The following LIME1 variants were observed in gnomAD, a reference collection of about 807,000 sequenced individuals.
The protein encoded by LIME1 is Lck interacting transmembrane adaptor 1.
In LIME1, 23 loss-of-function variants were observed where a neutral mutation model predicts 18.8. The observed-to-expected ratio is 1.22, with a 90% confidence interval of 0.88 to 1.73. The LOEUF (loss-of-function observed/expected upper bound fraction) is 1.73. Ranked by LOEUF, LIME1 falls within the 40% of genes most tolerant of loss-of-function variation. The pLI is 0.00. For missense variants in LIME1, 423 were observed against 396.8 expected (o/e 1.07, Z -0.56); for synonymous variants, 177 against 182.3 (o/e 0.97, Z 0.23).
chr20:63,736,986 G>C, intron 1 of LIME1: 1 of 985,788 alleles, frequency 1.0e-6, no homozygotes, highest in Non-Finnish European at 1.2e-6. Context: ...CCAGAGAGAA[G>C]TGGGGTGGGG....
At chr20:63,737,445 C>G (rs1253820312) in intron 1 of LIME1, 88 bp from the exon 2 acceptor site, 1 of 1,387,024 alleles carries the variant, frequency 7.2e-7, no homozygotes, top group Non-Finnish European at 9.3e-7. Flanking sequence ...GCAGGAGCCC[C>G]GCAGCCGCGG....
At position 63,738,809 on chromosome 20, in the gene LIME1, G is replaced by A. The variant is rs2092024305; in HGVS notation, c.797G>A (p.Arg266Lys). 1 of 1,612,402 alleles carries A rather than the reference G, an allele frequency of 6.2e-7. No individual in the cohort carries two copies. The highest frequency in any genetic ancestry group is 8.5e-7 in the Non-Finnish European group (1 of 1,179,794). Residue 266 changes from arginine to lysine, a missense_variant, in exon 6 of 6, where the codon AGG becomes AAG. Physicochemically the swap from Arg to Lys is conservative, Grantham distance 26. Transcript: ENST00000309546. ...CGGGAGCTGGGGGACCCTGCTGGCA[G>A]GAGCAGCACGTGCGGGGCTGGGACG... Reference protein sequence around the residue: ...SIRELGDPAGRSSTCGAGTPP... With the variant: ...SIRELGDPAGKSSTCGAGTPP...
At chr20:63,735,909 C>CT, upstream of LIME1, 2 of 1,612,378 alleles carry the variant, frequency 1.2e-6, no homozygotes, top group Non-Finnish European at 1.7e-6. Context: ...AAGAAGATGA[C>CT]TGAGTTCTAG....
At chr20:63,735,800 C>G (rs773725976), upstream of LIME1, 2 of 1,609,222 alleles carry the variant, frequency 1.2e-6, no homozygotes, top group South Asian at 2.2e-5. Flanking sequence ...GGCGTCAGCC[C>G]AGCTGCAGGA....
chr20:63,738,857 G>A lies in LIME1; in HGVS notation c.845G>A (p.Ser282Asn). The A allele has an allele frequency of 6.2e-7, 1 of 1,610,180 alleles. No homozygotes were observed. The change falls in exon 6 of 6, where the codon AGC becomes AAC. Residue 282 changes from serine (S) to asparagine (N), a missense_variant. Transcript: ENST00000309546. ...AGTPPASSCPSLGRGWRPLPA... is the reference protein window; with the variant it reads ...AGTPPASSCPNLGRGWRPLPA... ...ACGCCCCCTGCTTCCAGCTGCCCCA[G>A]CCTAGGGAGGGGCTGGAGACCCCTC...
chr20:63,738,115 C>T (rs2092017465), intron 4 of LIME1, 55 bp downstream of exon 4: 1 of 1,522,628 alleles, frequency 6.6e-7, no homozygotes, highest in South Asian at 1.2e-5. Context: ...GCAGCGCGTG[C>T]CAACCCCTGG....
intron 1 of LIME1, 88 bp from the exon 2 acceptor site, chr20:63,737,445 C>T (rs1253820312): frequency 1.4e-6 from 2 of 1,386,904 alleles, no homozygotes; most frequent in African/African-American, 1.5e-5. Context: ...GCAGGAGCCC[C>T]GCAGCCGCGG....
Position 63,738,216 on chromosome 20 carries a change from C to G in LIME1, c.302C>G (p.Pro101Arg). 6.3e-7 allele frequency: 1 copy of G among 1,590,746 alleles called. No homozygotes were observed. Residue 101 changes from proline to arginine, a missense_variant, in exon 5 of 6, where the codon CCA (proline) becomes CGA (arginine). Physicochemically the swap from Pro to Arg is moderately radical, Grantham distance 103. Coordinates refer to ENST00000309546, the MANE Select transcript of LIME1 (RefSeq NM_017806.4). Reference sequence around the variant, plus strand: ...CCTGCCAGCATGGATCTCCTGCGCCCACACTGGCTGGAGGTGTCCAGGGAC... The same window carrying G: ...CCTGCCAGCATGGATCTCCTGCGCCGACACTGGCTGGAGGTGTCCAGGGAC... The part of the protein sequence containing the change: ...LRPASMDLLR[P>R]HWLEVSRDIT...
chr20:63,738,931 AGT>A lies in LIME1; in HGVS notation c.*33_*34del, dbSNP rs778180889. 2.0e-6 allele frequency: 3 copies of A among 1,483,530 alleles called. No homozygotes were observed. The South Asian group carries it at 4.1e-5, about 20-fold the overall frequency. 91.9% of individuals were successfully genotyped at this position (1,483,530 alleles called of 1,614,324 possible). On this transcript the variant is annotated 3_prime_UTR_variant, in exon 6 of 6. Transcript: ENST00000309546. ...CAAGGACCTGTGCTCCTTCCTCCAGAGTGAGGCCCGTCCCCCGCCCCGCCCCG... is the reference window on the plus strand; with the variant it reads ...CAAGGACCTGTGCTCCTTCCTCCAGAGAGGCCCGTCCCCCGCCCCGCCCCG...
intron 1 of LIME1, 117 bp from the exon 2 acceptor site, chr20:63,737,416 C>G: frequency 8.7e-6 from 12 of 1,375,056 alleles, no homozygotes; most frequent in Non-Finnish European, 1.1e-5. Context: ...TGTGCTGAGT[C>G]AGAGCTGGAA....
At chr20:63,735,984 T>A (rs191837645), upstream of LIME1, 111 of 1,562,224 alleles carry the variant, frequency 7.1e-5, 1 homozygote, top group Admixed American at 4.9e-4. Context: ...GGAAGACCAG[T>A]GTTGCCCGAG....
rs1568808252 is a variant in LIME1, at chr20:63,738,171, CCCCACCCCCAG to C, written c.269-8_271del. The C allele has an allele frequency of 6.4e-7, 1 of 1,555,570 alleles. No individual in the cohort carries two copies. Among genetic ancestry groups the C allele is most frequent in the East Asian group, 2.3e-5 (1 of 42,558 alleles). On this transcript the variant is annotated splice_acceptor_variant and splice_polypyrimidine_tract_variant and intron_variant, in intron 4 of 5. Coordinates refer to ENST00000309546, the MANE Select transcript of LIME1 (RefSeq NM_017806.4). LOFTEE classifies it high-confidence loss of function. ...CTGCCCGGAGTGAACTCTGCCCTGA[CCCCACCCCCAG>C]CCCTGCGGCCTGCCAGCATGGATCT...
In LIME1 at chr20:63,737,594, A is replaced by C; in HGVS notation, c.45A>C (p.Leu15=). ...GGGCCCCTCCTGCCCTCTGGGTTCT[A>C]GGGTGCTGCGCCCTGCTCCTCTCGC... ...VSWAPPALWV[L]GCCALLLSLW... The change falls in exon 2 of 6, where the codon CTA becomes CTC. Residue 15 remains leucine, a synonymous_variant. Coordinates refer to ENST00000309546, the MANE Select transcript of LIME1 (RefSeq NM_017806.4). 1 of 1,604,310 alleles carries C rather than the reference A, an allele frequency of 6.2e-7. No homozygotes were observed. Among genetic ancestry groups the C allele is most frequent in the Non-Finnish European group, 8.5e-7 (1 of 1,176,832 alleles).
rs761260046 is a variant in LIME1 at position 63,738,222 on chromosome 20, G to A, written c.308G>A (p.Trp103Ter). ...PASMDLLRPH[W>*]LEVSRDITGP... ...AGCATGGATCTCCTGCGCCCACACT[G>A]GCTGGAGGTGTCCAGGGACATCACC... is the stretch of plus-strand genomic sequence containing the variant. The change falls in exon 5 of 6, where the codon TGG becomes TAG. Residue 103 changes from tryptophan (W) to a stop codon, truncating the protein, a stop_gained. Transcript: ENST00000309546. LOFTEE classifies it high-confidence loss of function. 6.9e-6 allele frequency: 11 copies of A among 1,590,794 alleles called. No homozygotes were observed. The highest frequency in any genetic ancestry group is 5.7e-5 in the South Asian group (5 of 88,424).
intron 1 of LIME1, chr20:63,737,279 T>C (rs2092001321): frequency 8.1e-7 from 1 of 1,236,382 alleles, no homozygotes; most frequent in Non-Finnish European, 1.0e-6. Context: ...CCGTGCTGGG[T>C]GTTACCGTGG....
chr20:63,737,618 G>A lies in LIME1; in HGVS notation c.69G>A (p.Ser23=). 2 of 1,599,896 alleles carry A rather than the reference G, an allele frequency of 1.3e-6. No homozygotes were observed. Among genetic ancestry groups the A allele is most frequent in the East Asian group, 2.3e-5 (1 of 43,912 alleles). ...WVLGCCALLL[S]LWALCTACRR... ...TAGGGTGCTGCGCCCTGCTCCTCTC[G>A]CTGTGGGCGCTGTGCACAGCCTGCC... The change falls in exon 2 of 6, where the codon TCG becomes TCA. Residue 23 remains serine (S), a synonymous_variant. Coordinates refer to ENST00000309546, the MANE Select transcript of LIME1 (RefSeq NM_017806.4).
upstream of LIME1, chr20:63,736,374 G>C (rs185719003): frequency 4.2e-3 from 766 of 182,302 alleles, 4 homozygotes; most frequent in African/African-American, 0.017. Flanking sequence ...GAGGACTGTG[G>C]CCCACCACGT....
chr20:63,738,912 C>G lies in LIME1; in HGVS notation c.*12C>G, dbSNP rs1335178266. On this transcript the variant is annotated 3_prime_UTR_variant, in exon 6 of 6. Transcript: ENST00000309546. ...CCTCCCTGCCCTGAACACTCAAGGA[C>G]CTGTGCTCCTTCCTCCAGAGTGAGG... The G allele has an allele frequency of 6.4e-7, 1 of 1,555,366 alleles. No individual in the cohort carries two copies. Among genetic ancestry groups the G allele is most frequent in the Non-Finnish European group, 8.7e-7 (1 of 1,151,390 alleles).
At chr20:63,736,001 C>A, upstream of LIME1, 2 of 1,545,718 alleles carry the variant, frequency 1.3e-6, no homozygotes, top group Non-Finnish European at 1.7e-6. Flanking sequence ...CGAGGAGGGG[C>A]CGGCCTGCTG....
Sources: allele counts gnomAD v4.1 joint callset, GRCh38; gene constraint gnomAD v4.1.1; transcripts MANE v1.5; gene names NCBI Gene and HGNC (gene_info 2026-07-23, HGNC 2026-07-21).